GLI3: variants seen among roughly 807,000 people sequenced by gnomAD.
GLI3 encodes GLI family zinc finger 3.
GLI3 carries 20 observed loss-of-function variants against 100.8 expected under a neutral mutation model. The ratio of observed to expected loss-of-function variants is 0.20; its 90% CI spans 0.14 to 0.29. The LOEUF is 0.29. Among genes scored for constraint, GLI3 ranks in the 10% least tolerant of loss-of-function variants. The probability of loss-of-function intolerance (pLI) is 1.00; values close to 1 mark genes in which losing one functional copy is unlikely to be tolerated. For synonymous variants in GLI3, 938 were observed against 860.5 expected (o/e 1.09, Z -1.58); for missense variants, 2,040 against 2,128.5 (o/e 0.96, Z 0.82).
intron 2 of GLI3, among the ~76,000 whole-genome samples, chr7:42,206,200 G>A (rs1788147453): frequency 6.6e-6 from 1 of 151,940 alleles, no homozygotes; most frequent in South Asian, 2.1e-4. Context: ...TCTGGGAGGT[G>A]GAGGTTGCAG....
At chr7:42,149,127 C>T (rs1234576697) in intron 2 of GLI3, among the ~76,000 whole-genome samples, 1 of 152,188 alleles carries the variant, frequency 6.6e-6, no homozygotes, top group African/African-American at 2.4e-5. Flanking sequence ...CAGAGCCTCT[C>T]GTGAGATACT....
rs914792916 is a variant in GLI3, at chr7:42,210,350, C to T, written c.124+12780G>A. On this transcript the variant is annotated intron_variant, in intron 2 of 14. Coordinates refer to ENST00000395925, the MANE Select transcript of GLI3 (RefSeq NM_000168.6). Reference sequence around the variant, plus strand: ...TTCAAAAATGAAAGCCCCCCCCCCCCCCCCAAGTTAAAATAAGGTACAAAG... The same window carrying T: ...TTCAAAAATGAAAGCCCCCCCCCCCTCCCCAAGTTAAAATAAGGTACAAAG... 1.3e-4 allele frequency among the ~76,000 whole-genome samples: 11 copies of T among 82,212 alleles called. 1 individual carries two copies. Among genetic ancestry groups the T allele is most frequent in the Middle Eastern group, 6.1e-3 (1 of 164 alleles). The allele number at this position is 82,212 out of a possible 152,430, so 53.9% of individuals were successfully genotyped here. A position where few individuals can be genotyped will look rare whatever the true frequency, so the allele number is the denominator to read the frequency against.
chr7:42,188,582 T>C (rs1444091679), intron 2 of GLI3, among the ~76,000 whole-genome samples: 1 of 152,122 alleles, frequency 6.6e-6, no homozygotes, highest in African/African-American at 2.4e-5. Context: ...TTATTCATAA[T>C]TGCCAAAACT....
At chr7:41,981,667 C>G (rs1475314325) in intron 10 of GLI3, among the ~76,000 whole-genome samples, 1 of 152,210 alleles carries the variant, frequency 6.6e-6, no homozygotes, top group Admixed American at 6.5e-5. Flanking sequence ...TCCCTTGAGG[C>G]CTGTGCCTCG....
At chr7:42,026,746 A>G (rs1458727171) in intron 7 of GLI3, among the ~76,000 whole-genome samples, 3 of 152,232 alleles carry the variant, frequency 2.0e-5, no homozygotes, top group Non-Finnish European at 4.4e-5. Context: ...TAGGACTTTT[A>G]TTGGCTCTTA....
intron 2 of GLI3, among the ~76,000 whole-genome samples, chr7:42,198,483 A>G (rs936485374): frequency 4.6e-5 from 7 of 152,076 alleles, no homozygotes; most frequent in Non-Finnish European, 7.4e-5. Flanking sequence ...TGCAGAGCCA[A>G]TCCTGGGGAT....
In GLI3 at chr7:42,002,055, GACAC is replaced by G. The variant is rs36214762; in HGVS notation, c.1497+21409_1497+21412del. Among the ~76,000 whole-genome samples the G allele has an allele frequency of 3.4e-3, 516 of 150,458 alleles. 5 individuals carry two copies. The highest frequency in any genetic ancestry group is 0.012 in the African/African-American group (476 of 41,246). ...GGTAAAAATAAGGAAAACATGGCAA[GACAC>G]ACACACACACACACACACGCACACA... On this transcript the variant is annotated intron_variant, in intron 10 of 14. Transcript: ENST00000395925.
intron 2 of GLI3, among the ~76,000 whole-genome samples, chr7:42,209,986 GAAAA>G (rs749477443): frequency 1.1e-3 from 37 of 33,270 alleles, no homozygotes; most frequent in African/African-American, 5.5e-3. Context: ...TTAAGAATCT[GAAAA>G]AAAAAAAAAA....
chr7:42,258,092 T>G (rs755432195), intron 1 of GLI3, among the ~76,000 whole-genome samples: 2 of 152,220 alleles, frequency 1.3e-5, no homozygotes, highest in Non-Finnish European at 2.9e-5. Context: ...ATATACTATG[T>G]ATAACCCAAT....
rs1051536881 is a variant in GLI3, at chr7:42,148,341, T to C, written c.252A>G (p.Ser84=). Residue 84 remains serine, a synonymous_variant, in exon 3 of 15, where the codon TCA becomes TCG. Transcript: ENST00000395925. ...ACCCATGGATCTCTTTCTTGATCAA[T>C]GAGGCCCTCTCGTCACTCGATGTTG... The part of the protein sequence containing the change: ...EPSTSSDERA[S]LIKKEIHGSL... 1.9e-5 allele frequency: 30 copies of C among 1,613,862 alleles called. No homozygotes were observed. Among genetic ancestry groups the C allele is most frequent in the African/African-American group, 4.0e-5 (3 of 74,918 alleles).
chr7:42,050,368 G>C (rs1784330125), intron 4 of GLI3, among the ~76,000 whole-genome samples: 1 of 152,146 alleles, frequency 6.6e-6, no homozygotes, highest in African/African-American at 2.4e-5. Context: ...TGTTTAAATA[G>C]AAATCAACAT....
intron 3 of GLI3, among the ~76,000 whole-genome samples, chr7:42,116,621 C>T (rs1583571397): frequency 6.6e-6 from 1 of 152,250 alleles, no homozygotes; most frequent in South Asian, 2.1e-4. Context: ...GACAGACCAC[C>T]TCTGATGCAC....
chr7:42,252,797 G>A (rs930766374), intron 1 of GLI3, among the ~76,000 whole-genome samples: 2 of 152,078 alleles, frequency 1.3e-5, no homozygotes, highest in Admixed American at 1.3e-4. Flanking sequence ...CAGATTTTAG[G>A]CTTCAAATGG....
chr7:42,084,879 T>C (rs994353217), intron 3 of GLI3, among the ~76,000 whole-genome samples: 3 of 147,164 alleles, frequency 2.0e-5, no homozygotes, highest in African/African-American at 5.0e-5. Context: ...CAGTTATAGC[T>C]CTAAAAATAT....
chr7:42,189,946 A>C (rs1787791956), intron 2 of GLI3, among the ~76,000 whole-genome samples: 1 of 151,108 alleles, frequency 6.6e-6, no homozygotes, highest in Non-Finnish European at 1.5e-5. Context: ...ATGCCCAAGC[A>C]ACACATATAT....
upstream of GLI3, among the ~76,000 whole-genome samples, chr7:42,242,293 G>A (rs1167620370): frequency 1.3e-5 from 2 of 152,150 alleles, no homozygotes; most frequent in Non-Finnish European, 2.9e-5. Flanking sequence ...GGCCACAGTC[G>A]CTACCACTCC....
At chr7:42,012,535 A>G (rs914690415) in intron 10 of GLI3, among the ~76,000 whole-genome samples, 3 of 152,262 alleles carry the variant, frequency 2.0e-5, no homozygotes, top group African/African-American at 7.2e-5. Flanking sequence ...AGGGTTAGCC[A>G]TTATAGGCTA....
chr7:42,238,910 G>A (rs1483663063), upstream of GLI3, among the ~76,000 whole-genome samples: 1 of 152,210 alleles, frequency 6.6e-6, no homozygotes, highest in Non-Finnish European at 1.5e-5. Flanking sequence ...CTTGACTGAA[G>A]GAAGAGTGTG....
intron 2 of GLI3, among the ~76,000 whole-genome samples, chr7:42,221,581 C>T (rs1398827707): frequency 6.6e-6 from 1 of 152,128 alleles, no homozygotes; most frequent in Non-Finnish European, 1.5e-5. Flanking sequence ...GGCATGTGCA[C>T]TCACGCAAAC....
Sources: gnomAD v4.1 joint callset for allele counts (sites outside exome capture counted in the v4.1 genomes callset) on GRCh38, gnomAD v4.1.1 for gene constraint, MANE v1.5 for transcripts, NCBI Gene and HGNC (gene_info 2026-07-23, HGNC 2026-07-21) for gene names.